The following JAM2 variants were observed in gnomAD, a reference collection of about 807,000 sequenced individuals.
JAM2 encodes junctional adhesion molecule 2.
Under a neutral mutation model 42.0 loss-of-function variants are expected in JAM2, and 17 were observed. That is an observed-to-expected ratio of 0.40 (90% CI 0.28 to 0.61). The LOEUF (loss-of-function observed/expected upper bound fraction) is 0.61, where lower values mean the gene tolerates loss of function less well. Among genes scored for constraint, JAM2 ranks in the 20% least tolerant of loss-of-function variants. JAM2 has a pLI of 0.37. For synonymous variants in JAM2, 118 were observed against 128.6 expected (o/e 0.92, Z 0.56); for missense variants, 319 against 358.3 (o/e 0.89, Z 0.89).
chr21:25,710,987 T>A (rs1395929294), intron 8 of JAM2, among the ~76,000 whole-genome samples: 2 of 152,144 alleles, frequency 1.3e-5, no homozygotes, highest in Admixed American at 6.5e-5. Flanking sequence ...AGTGACAGTG[T>A]TTTGGATATA....
chr21:25,651,081 A>C (rs1181091299), intron 1 of JAM2, among the ~76,000 whole-genome samples: 4 of 150,314 alleles, frequency 2.7e-5, no homozygotes, highest in South Asian at 2.1e-4. Context: ...AAAAAAAAAA[A>C]AACAAAGTAT....
rs759768259 is a variant in JAM2, at chr21:25,693,819, G to A, written c.305G>A (p.Ser102Asn). 9 of 1,614,026 alleles carry A rather than the reference G, an allele frequency of 5.6e-6. No individual in the cohort carries two copies. In the African/African-American group the frequency reaches 1.1e-4, roughly 19 times the overall value. ...FNIRIKNVTR[S>N]DAGKYRCEVS... ...ATCCGGATCAAAAATGTGACAAGAA[G>A]TGATGCGGGGAAATATCGTTGTGAA... The change falls in exon 4 of 10, where the codon AGT becomes AAT. Residue 102 changes from serine to asparagine, a missense_variant. Ser to Asn is a conservative substitution (Grantham distance 46). Transcript: ENST00000480456.
intron 1 of JAM2, among the ~76,000 whole-genome samples, chr21:25,668,939 T>G (rs1211534652): frequency 1.3e-5 from 2 of 152,122 alleles, no homozygotes; most frequent in African/African-American, 4.8e-5. Context: ...GAAGGCATCA[T>G]CATAAATTAT....
At chr21:25,710,590 G>A (rs2034363490) in intron 8 of JAM2, among the ~76,000 whole-genome samples, 1 of 152,164 alleles carries the variant, frequency 6.6e-6, no homozygotes, top group Non-Finnish European at 1.5e-5. Context: ...TCAGGCAGAG[G>A]GGAGAGAGCA....
chr21:25,661,447 A>G (rs2033086592), intron 1 of JAM2, among the ~76,000 whole-genome samples: 1 of 152,186 alleles, frequency 6.6e-6, no homozygotes, highest in Non-Finnish European at 1.5e-5. Context: ...TGGGTGACAG[A>G]GCAAGACATT....
chr21:25,714,854 G>A lies in JAM2; in HGVS notation c.*182G>A, dbSNP rs917438445. 2.2e-6 allele frequency: 1 copy of A among 457,154 alleles called. No individual in the cohort carries two copies. The highest frequency in any genetic ancestry group is 3.9e-6 in the Non-Finnish European group (1 of 255,598). The allele number at this position is 457,154 out of a possible 1,614,324, so 28.3% of individuals were successfully genotyped here. A position where few individuals can be genotyped will look rare whatever the true frequency, so the allele number is the denominator to read the frequency against. On this transcript the variant is annotated 3_prime_UTR_variant, in exon 10 of 10. Coordinates refer to ENST00000480456, the MANE Select transcript of JAM2 (RefSeq NM_021219.4). ...GCTATTTTAAACAAATAGTTCTGTC[G>A]ACACCTAAAATATAATCTGGCTTCT...
At chr21:25,705,920 T>C in intron 6 of JAM2, 59 bp from the exon 7 acceptor site, 1 of 1,140,784 alleles carries the variant, frequency 8.8e-7, no homozygotes, top group South Asian at 1.2e-5. Flanking sequence ...TTCAATTTAA[T>C]GACTGCATCT....
At chr21:25,685,092 C>T (rs756586370) in intron 2 of JAM2, among the ~76,000 whole-genome samples, 5 of 151,948 alleles carry the variant, frequency 3.3e-5, no homozygotes, top group Non-Finnish European at 7.4e-5. Context: ...GTCTTAGGTT[C>T]CTGGAGCTGG....
chr21:25,650,857 A>G (rs1600992431), intron 1 of JAM2, among the ~76,000 whole-genome samples: 1 of 152,018 alleles, frequency 6.6e-6, no homozygotes, highest in Non-Finnish European at 1.5e-5. Flanking sequence ...CTTCATTTAG[A>G]AATCACGTGT....
chr21:25,685,717 G>A lies in JAM2; in HGVS notation c.133+1769G>A, dbSNP rs908462993. On this transcript the variant is annotated intron_variant, in intron 2 of 9. Transcript: ENST00000480456. ...GGGAAGAGGAAATTAACGATTGAGG[G>A]AATTTGGGACTATGGAGCACCTCCA... Among the ~76,000 whole-genome samples, 2 of 152,232 alleles carry A rather than the reference G, an allele frequency of 1.3e-5. 1 individual carries two copies. The highest frequency in any genetic ancestry group is 4.8e-5 in the African/African-American group (2 of 41,550).
intron 4 of JAM2, among the ~76,000 whole-genome samples, chr21:25,695,821 T>G (rs190658615): frequency 0.023 from 3,271 of 142,666 alleles, 128 homozygotes; most frequent in African/African-American, 0.083. Context: ...GCTCCTCACA[T>G]CCCAGACCGG....
chr21:25,653,263 G>A (rs868087508), intron 1 of JAM2, among the ~76,000 whole-genome samples: 2 of 152,246 alleles, frequency 1.3e-5, no homozygotes, highest in African/African-American at 2.4e-5. Flanking sequence ...CCTTGAAAAT[G>A]AGCATACTTA....
chr21:25,654,233 A>G (rs1035850729), intron 1 of JAM2, among the ~76,000 whole-genome samples: 1 of 152,230 alleles, frequency 6.6e-6, no homozygotes, highest in Admixed American at 6.5e-5. Context: ...GCAGCATGTA[A>G]TTGACTTAGG....
intron 9 of JAM2, 66 bp from the exon 10 acceptor site, chr21:25,714,574 A>C (rs1465314717): frequency 1.0e-6 from 1 of 985,188 alleles, no homozygotes; most frequent in South Asian, 1.5e-5. Context: ...CTTGATATTC[A>C]TAAGATTTAT....
chr21:25,704,107 A>G (rs1248263951), intron 6 of JAM2, among the ~76,000 whole-genome samples: 1 of 151,770 alleles, frequency 6.6e-6, no homozygotes, highest in Non-Finnish European at 1.5e-5. Context: ...AATGCTTCAT[A>G]GATGTCAGAT....
chr21:25,692,739 GA>G (rs1364070603), intron 3 of JAM2, among the ~76,000 whole-genome samples: 3 of 151,980 alleles, frequency 2.0e-5, no homozygotes, highest in African/African-American at 7.2e-5. Context: ...TGTTACATTA[GA>G]AAAAGGTCAG....
intron 1 of JAM2, chr21:25,644,264 A>G (rs2032536961): frequency 6.6e-6 from 1 of 152,286 alleles, no homozygotes; most frequent in Admixed American, 6.5e-5. Context: ...TGTGAAACAC[A>G]TGACCAAAAA....
rs1270266873 is a variant in JAM2, at chr21:25,639,685, G to C, written c.-137G>C. 5.0e-6 allele frequency: 3 copies of C among 598,472 alleles called. No individual in the cohort carries two copies. The African/African-American group carries it at 5.8e-5, about 12-fold the overall frequency. 37.1% of individuals were successfully genotyped at this position (598,472 alleles called of 1,614,324 possible). A position where few individuals can be genotyped will look rare whatever the true frequency, so the allele number is the denominator to read the frequency against. ...GAGGGGGAAACTGACATCCCATCTA[G>C]AGCCGTCCCTCCTCTTCCTCCCCTC... On this transcript the variant is annotated 5_prime_UTR_variant, in exon 1 of 10. Coordinates refer to ENST00000480456, the MANE Select transcript of JAM2 (RefSeq NM_021219.4).
chr21:25,694,980 T>C (rs2033969188), intron 4 of JAM2, among the ~76,000 whole-genome samples: 1 of 142,586 alleles, frequency 7.0e-6, no homozygotes, highest in African/African-American at 2.7e-5. Flanking sequence ...TTTTCTTTCT[T>C]TTTTTTTTTT....
Sources: allele counts gnomAD v4.1 joint callset (sites outside exome capture counted in the v4.1 genomes callset), GRCh38; gene constraint gnomAD v4.1.1; transcripts MANE v1.5; gene names NCBI Gene and HGNC (gene_info 2026-07-23, HGNC 2026-07-21).